Variants in N4BP2L2 observed in about 807,000 individuals in gnomAD.
N4BP2L2 encodes the protein NEDD4-binding protein 2-like 2.
Under a neutral mutation model 56.2 loss-of-function variants are expected in N4BP2L2, and 50 were observed. The observed-to-expected ratio is 0.89, with a 90% confidence interval of 0.71 to 1.13. N4BP2L2 has a LOEUF of 1.13. N4BP2L2 is among the 50% of genes most tolerant of loss of function. The pLI, the probability that N4BP2L2 is intolerant of heterozygous loss-of-function variation, is 0.00. For synonymous variants in N4BP2L2, 203 were observed against 223.6 expected, an observed-to-expected ratio of 0.91 and a Z score of 0.82; for missense variants, 689 against 693.8, an observed-to-expected ratio of 0.99 and a Z score of 0.08.
intron 6 of N4BP2L2, among the ~76,000 whole-genome samples, chr13:32,454,893 C>T (rs112268548): frequency 6.6e-6 from 1 of 152,206 alleles, no homozygotes; most frequent in African/African-American, 2.4e-5. Flanking sequence ...GCTACCAGCT[C>T]AGCTGGAATC....
intron 3 of N4BP2L2, chr13:32,523,261 T>A (rs1367447171): frequency 6.6e-6 from 1 of 151,908 alleles, no homozygotes; most frequent in Non-Finnish European, 1.5e-5. Flanking sequence ...TGTGGTGGTA[T>A]GCGCCTGTAG....
At chr13:32,502,132 C>T (rs1033895310) in intron 6 of N4BP2L2, among the ~76,000 whole-genome samples, 3 of 148,932 alleles carry the variant, frequency 2.0e-5, no homozygotes, top group Non-Finnish European at 3.0e-5. Flanking sequence ...GGCACGATCT[C>T]GGCTCACTGC....
intron 6 of N4BP2L2, chr13:32,477,804 G>T: frequency 8.4e-7 from 1 of 1,188,276 alleles, no homozygotes; most frequent in Non-Finnish European, 1.1e-6. Flanking sequence ...GAGGTATACA[G>T]CTGAGAAATA....
chr13:32,492,855 C>T (rs2087486401), intron 6 of N4BP2L2, among the ~76,000 whole-genome samples: 1 of 149,972 alleles, frequency 6.7e-6, no homozygotes, highest in Admixed American at 6.7e-5. Context: ...AACTTTAAAG[C>T]TCATCATTTA....
chr13:32,521,682 A>G (rs936206870), intron 4 of N4BP2L2: 33 of 416,640 alleles, frequency 7.9e-5, no homozygotes, highest in African/African-American at 6.9e-4. Flanking sequence ...AAGGAAAGTC[A>G]AAACAATATG....
intron 6 of N4BP2L2, among the ~76,000 whole-genome samples, chr13:32,452,373 T>A (rs545253515): frequency 8.2e-4 from 125 of 152,286 alleles, no homozygotes; most frequent in Non-Finnish European, 1.6e-3. Context: ...CACCTCCAGC[T>A]TTTTTTCAAA....
At chr13:32,494,903 C>A (rs1411284379) in intron 6 of N4BP2L2, among the ~76,000 whole-genome samples, 1 of 151,968 alleles carries the variant, frequency 6.6e-6, no homozygotes, top group Non-Finnish European at 1.5e-5. Flanking sequence ...AGTCCCTTTG[C>A]TCCCACCTCC....
chr13:32,480,010 TAAAAA>T (rs890669662), intron 6 of N4BP2L2, among the ~76,000 whole-genome samples: 1 of 151,008 alleles, frequency 6.6e-6, no homozygotes, highest in African/African-American at 2.4e-5. Context: ...TCCCACAGAT[TAAAAA>T]AAAATGTAGC....
intron 6 of N4BP2L2, among the ~76,000 whole-genome samples, chr13:32,452,233 G>C (rs888905591): frequency 2.0e-5 from 3 of 151,890 alleles, no homozygotes; most frequent in Non-Finnish European, 4.4e-5. Context: ...GGCTAATTTT[G>C]TGTTTTCAGT....
At chr13:32,502,659 C>T (rs1306503925) in intron 6 of N4BP2L2, among the ~76,000 whole-genome samples, 2 of 152,104 alleles carry the variant, frequency 1.3e-5, no homozygotes, top group Admixed American at 6.5e-5. Context: ...AAAACTGCAA[C>T]TTAACTTCGA....
chr13:32,517,274 A>C, exon 6 of N4BP2L2: 1 of 986,500 alleles, frequency 1.0e-6, no homozygotes, highest in Non-Finnish European at 1.2e-6. Context: ...ATTTTGTTTG[A>C]ACTAAGTGAT....
In N4BP2L2 at chr13:32,465,660, T is replaced by C. The variant is rs542907663; in HGVS notation, c.366-21534A>G. Among the ~76,000 whole-genome samples, 364 of 152,300 alleles carry C rather than the reference T, an allele frequency of 2.4e-3. 2 individuals are homozygous for C. The highest frequency in any genetic ancestry group is 8.5e-3 in the African/African-American group (353 of 41,572). On this transcript the variant is annotated intron_variant, in intron 6 of 9. Transcript: ENST00000357505. Reference sequence around the variant, plus strand: ...TGGAAAATGCATATTTATTTTAGTTTTGTTTCTTTTTGAGACAAAGTCTCC... The same window carrying C: ...TGGAAAATGCATATTTATTTTAGTTCTGTTTCTTTTTGAGACAAAGTCTCC...
At chr13:32,476,891 G>T (rs118067638) in intron 6 of N4BP2L2, among the ~76,000 whole-genome samples, 4,012 of 152,218 alleles carry the variant, frequency 0.026, 75 homozygotes, top group Non-Finnish European at 0.04. Flanking sequence ...CAGGACCATG[G>T]GGCTCGAGTG....
chr13:32,517,892 G>A lies in N4BP2L2; in HGVS notation c.1662C>T (p.Ser554=), dbSNP rs530560718. The change falls in exon 6 of 6, where the codon AGC becomes AGT. Residue 554 remains serine, a synonymous_variant. Coordinates refer to ENST00000267068, the Ensembl canonical transcript of N4BP2L2. Reference sequence around the variant, plus strand: ...CCTGTGGAGGAGGAGGTCTTTGTGTGCTTTTGTGTGATGGTTCCACTGAAT... The same window carrying A: ...CCTGTGGAGGAGGAGGTCTTTGTGTACTTTTGTGTGATGGTTCCACTGAAT... 1.2e-5 allele frequency: 19 copies of A among 1,614,088 alleles called. No individual in the cohort carries two copies. In the South Asian group the frequency reaches 2.0e-4, roughly 17 times the overall value.
chr13:32,461,468 G>A (rs1401418016), intron 6 of N4BP2L2, among the ~76,000 whole-genome samples: 1 of 152,072 alleles, frequency 6.6e-6, no homozygotes, highest in South Asian at 2.1e-4. Flanking sequence ...GTGGGCAAAG[G>A]ATCTAAATAG....
At chr13:32,491,377 A>G (rs1000023203) in intron 6 of N4BP2L2, among the ~76,000 whole-genome samples, 7 of 152,186 alleles carry the variant, frequency 4.6e-5, no homozygotes, top group Non-Finnish European at 7.4e-5. Context: ...ACAAAAAGGG[A>G]AAATAATTTA....
intron 6 of N4BP2L2, among the ~76,000 whole-genome samples, chr13:32,455,790 ACTC>A (rs921060087): frequency 6.6e-6 from 1 of 151,554 alleles, no homozygotes; most frequent in African/African-American, 2.4e-5. Flanking sequence ...GGATCTCCGC[ACTC>A]CTCTTCAGAG....
At chr13:32,475,956 C>G (rs1335735640) in intron 6 of N4BP2L2, among the ~76,000 whole-genome samples, 6 of 152,218 alleles carry the variant, frequency 3.9e-5, no homozygotes, top group African/African-American at 1.4e-4. Context: ...CATGATATAT[C>G]TTGTTAGAGG....
intron 6 of N4BP2L2, among the ~76,000 whole-genome samples, chr13:32,455,365 G>A (rs567742164): frequency 6.6e-6 from 1 of 152,212 alleles, no homozygotes; most frequent in Admixed American, 6.5e-5. Context: ...CCTACCTGGG[G>A]CAGCCACCAC....
Sources: allele counts gnomAD v4.1 joint callset (sites outside exome capture counted in the v4.1 genomes callset), GRCh38; gene constraint gnomAD v4.1.1; transcripts MANE v1.5; gene names NCBI Gene and HGNC (gene_info 2026-07-23, HGNC 2026-07-21).